Variants in PCDH9 observed in about 807,000 individuals in gnomAD.
PCDH9 encodes protocadherin 9, also known as protocadherin-9.
A neutral mutation model predicts 70.6 loss-of-function variants in PCDH9; 24 were observed. The observed-to-expected ratio is 0.34, with a 90% CI of 0.25 to 0.48. The LOEUF (loss-of-function observed/expected upper bound fraction) is 0.48. Among genes scored for constraint, PCDH9 ranks in the 20% least tolerant of loss-of-function variants. The probability of loss-of-function intolerance (pLI) is 0.99; values close to 1 mark genes in which losing one functional copy is unlikely to be tolerated. For missense variants in PCDH9, 1,281 were observed against 1,503.6 expected (o/e 0.85, Z 2.45); for synonymous variants, 562 against 558.5 (o/e 1.01, Z -0.09).
intron 3 of PCDH9, among the ~76,000 whole-genome samples, chr13:66,656,129 CAAAA>C (rs746661684): frequency 8.3e-6 from 1 of 119,768 alleles, no homozygotes; most frequent in Non-Finnish European, 1.8e-5. Flanking sequence ...AAAGGAAAAG[CAAAA>C]AAAAAAAAAG....
chr13:66,998,878 C>T (rs534953264), intron 2 of PCDH9, among the ~76,000 whole-genome samples: 17 of 152,206 alleles, frequency 1.1e-4, no homozygotes, highest in South Asian at 2.1e-4. Flanking sequence ...ACAATGAAAG[C>T]GCCACAAAAT....
chr13:66,533,956 C>T (rs1566398071), intron 4 of PCDH9, among the ~76,000 whole-genome samples: 1 of 152,070 alleles, frequency 6.6e-6, no homozygotes, highest in Non-Finnish European at 1.5e-5. Flanking sequence ...TAGAAAATAA[C>T]ACTATGAAAG....
chr13:67,174,963 CA>C (rs376755966), intron 2 of PCDH9, among the ~76,000 whole-genome samples: 17,723 of 126,210 alleles, frequency 0.14, 1,024 homozygotes, highest in Admixed American at 0.24. Context: ...TCATCTCTAC[CA>C]AAAAAAAAAA....
chr13:66,925,959 T>G (rs1467212498), intron 2 of PCDH9, among the ~76,000 whole-genome samples: 1 of 152,048 alleles, frequency 6.6e-6, no homozygotes, highest in Non-Finnish European at 1.5e-5. Context: ...TTTTGTTTCC[T>G]AAAGCATATT....
intron 4 of PCDH9, among the ~76,000 whole-genome samples, chr13:66,390,923 C>T (rs1258855096): frequency 1.3e-5 from 2 of 152,118 alleles, no homozygotes; most frequent in Non-Finnish European, 2.9e-5. Context: ...GTTTTCCCAG[C>T]TGTATGTCTT....
chr13:66,666,866 A>G (rs1406515383), intron 3 of PCDH9, among the ~76,000 whole-genome samples: 1 of 152,108 alleles, frequency 6.6e-6, no homozygotes, highest in African/African-American at 2.4e-5. Context: ...TAACAGTTAT[A>G]TTTGTCTTAC....
In PCDH9 at chr13:67,040,848, G is replaced by T. The variant is rs575397102; in HGVS notation, c.3037-137243C>A. On this transcript the variant is annotated intron_variant, in intron 2 of 4. Coordinates refer to ENST00000377865, the MANE Select transcript of PCDH9 (RefSeq NM_203487.3). The stretch of plus-strand genomic sequence containing the variant: ...ATACATCAAATTGCAGTTTGATTAA[G>T]TATTAAAAGTCATAAAAATATTTAT... Among the ~76,000 whole-genome samples the T allele has an allele frequency of 2.0e-5, 3 of 151,932 alleles. No homozygotes were observed. In the East Asian group the frequency reaches 5.8e-4, roughly 29 times the overall value.
chr13:66,736,938 C>T (rs890963733), intron 3 of PCDH9, among the ~76,000 whole-genome samples: 7 of 152,216 alleles, frequency 4.6e-5, no homozygotes, highest in South Asian at 2.1e-4. Context: ...CAGGCAACTT[C>T]GCAGGATCAT....
intron 4 of PCDH9, among the ~76,000 whole-genome samples, chr13:66,604,098 A>G (rs1020292850): frequency 6.6e-6 from 1 of 151,972 alleles, no homozygotes; most frequent in Non-Finnish European, 1.5e-5. Context: ...TAGTTTCTCA[A>G]AGTGAGTCCT....
At chr13:67,060,973 T>A (rs1332630914) in intron 2 of PCDH9, among the ~76,000 whole-genome samples, 2 of 152,094 alleles carry the variant, frequency 1.3e-5, no homozygotes, top group Non-Finnish European at 2.9e-5. Flanking sequence ...GTCCTATTTT[T>A]AAAAATCATG....
chr13:66,955,844 T>C (rs779041010), intron 2 of PCDH9, among the ~76,000 whole-genome samples: 1 of 152,016 alleles, frequency 6.6e-6, no homozygotes, highest in Non-Finnish European at 1.5e-5. Context: ...TATAAGAACA[T>C]AGGGCTGTTG....
At chr13:67,104,674 G>A (rs1211298329) in intron 2 of PCDH9, among the ~76,000 whole-genome samples, 2 of 151,720 alleles carry the variant, frequency 1.3e-5, no homozygotes, top group Middle Eastern at 3.4e-3. Context: ...TCAGCCTCTC[G>A]AGTAGCTGGG....
At chr13:67,056,903 G>A (rs9540985) in intron 2 of PCDH9, among the ~76,000 whole-genome samples, 35,417 of 151,948 alleles carry the variant, frequency 0.23, 4,555 homozygotes, top group East Asian at 0.56. Context: ...GATAATGTAT[G>A]TACAAATTTA....
intron 4 of PCDH9, among the ~76,000 whole-genome samples, chr13:66,324,054 C>T (rs1009458901): frequency 2.0e-5 from 3 of 151,964 alleles, no homozygotes; most frequent in Non-Finnish European, 4.4e-5. Context: ...CCTTTCTGGC[C>T]ACAATTTTGC....
chr13:66,482,997 CG>C (rs1958868464), intron 4 of PCDH9, among the ~76,000 whole-genome samples: 1 of 152,180 alleles, frequency 6.6e-6, no homozygotes, highest in African/African-American at 2.4e-5. Context: ...TAAGCCCCAC[CG>C]TGCTTTGCTT....
At chr13:66,442,762 T>A (rs749355143) in intron 4 of PCDH9, among the ~76,000 whole-genome samples, 3 of 152,162 alleles carry the variant, frequency 2.0e-5, no homozygotes, top group Non-Finnish European at 4.4e-5. Context: ...TGAATTTGGT[T>A]ATGAAACCAT....
At position 66,920,887 on chromosome 13, in the gene PCDH9, A is replaced by C. The variant is rs78115411; in HGVS notation, c.3037-17282T>G. Among the ~76,000 whole-genome samples, 971 of 151,254 alleles carry C rather than the reference A, an allele frequency of 6.4e-3. 13 individuals are homozygous for C. The highest frequency in any genetic ancestry group is 0.022 in the African/African-American group (907 of 41,446). On this transcript the variant is annotated intron_variant, in intron 2 of 4. Coordinates refer to ENST00000377865, the MANE Select transcript of PCDH9 (RefSeq NM_203487.3). ...TATATTTTCAAACCATCTTTTAAAA[A>C]CTGCTTCTTCCTATGAATGTCTCTG...
chr13:66,338,490 T>C (rs1956073840), intron 4 of PCDH9, among the ~76,000 whole-genome samples: 1 of 152,110 alleles, frequency 6.6e-6, no homozygotes, highest in Non-Finnish European at 1.5e-5. Context: ...TTTCTGAAGC[T>C]TTTTAATATT....
At chr13:66,523,181 T>C (rs1960073447) in intron 4 of PCDH9, among the ~76,000 whole-genome samples, 1 of 152,044 alleles carries the variant, frequency 6.6e-6, no homozygotes, top group South Asian at 2.1e-4. Flanking sequence ...ATTACCTTTG[T>C]GTGAAATGCT....
Sources: allele counts gnomAD v4.1 joint callset (sites outside exome capture counted in the v4.1 genomes callset), GRCh38; gene constraint gnomAD v4.1.1; transcripts MANE v1.5; gene names NCBI Gene and HGNC (gene_info 2026-07-23, HGNC 2026-07-21).